SMYD3: variants seen among roughly 807,000 people sequenced by gnomAD.
The protein encoded by SMYD3 is histone-lysine N-methyltransferase SMYD3.
In SMYD3, 36 loss-of-function variants were observed where a neutral mutation model predicts 57.7. The ratio of observed to expected loss-of-function variants is 0.62; its 90% CI spans 0.48 to 0.82. SMYD3 has a LOEUF of 0.82. Among genes scored for constraint, SMYD3 ranks in the 40% least tolerant of loss-of-function variants. The pLI is 0.00. For missense variants in SMYD3, 515 were observed against 538.8 expected, an observed-to-expected ratio of 0.96 and a Z score of 0.44; for synonymous variants, 211 against 195.0, an observed-to-expected ratio of 1.08 and a Z score of -0.68.
At chr1:245,816,698 G>A (rs979748350) in intron 10 of SMYD3, among the ~76,000 whole-genome samples, 1 of 152,104 alleles carries the variant, frequency 6.6e-6, no homozygotes, top group Non-Finnish European at 1.5e-5. Context: ...CGCGCACCGT[G>A]CGCGAGCCGA....
intron 8 of SMYD3, among the ~76,000 whole-genome samples, chr1:245,876,884 G>A (rs750183336): frequency 6.6e-6 from 1 of 152,152 alleles, no homozygotes; most frequent in Non-Finnish European, 1.5e-5. Context: ...CCAGGATTTA[G>A]GGAAAATGTC....
At chr1:245,793,035 GCACA>G (rs2047343986) in intron 10 of SMYD3, among the ~76,000 whole-genome samples, 5 of 151,616 alleles carry the variant, frequency 3.3e-5, no homozygotes, top group Admixed American at 1.3e-4. Context: ...TATAGGCCAG[GCACA>G]GTGGCTCATG....
intron 7 of SMYD3, among the ~76,000 whole-genome samples, chr1:245,920,571 A>G (rs2055845818): frequency 6.6e-6 from 1 of 152,130 alleles, no homozygotes; most frequent in Non-Finnish European, 1.5e-5. Context: ...CCCTATCACA[A>G]GCCACCACCT....
intron 1 of SMYD3, among the ~76,000 whole-genome samples, chr1:246,431,790 T>C (rs563824735): frequency 6.6e-6 from 1 of 152,248 alleles, no homozygotes; most frequent in East Asian, 1.9e-4. Context: ...TACAAATTAC[T>C]CTCCATTTCT....
At chr1:245,793,300 CA>C (rs35711386) in intron 10 of SMYD3, among the ~76,000 whole-genome samples, 71 of 137,650 alleles carry the variant, frequency 5.2e-4, no homozygotes, top group Admixed American at 1.6e-3. Context: ...GACTCCGTCC[CA>C]AAAAAAAAAA....
intron 5 of SMYD3, among the ~76,000 whole-genome samples, chr1:246,324,903 G>A (rs2065313628): frequency 6.7e-6 from 1 of 150,186 alleles, no homozygotes; most frequent in East Asian, 2.0e-4. Flanking sequence ...AACATTCTGG[G>A]CTCAGTGACT....
intron 5 of SMYD3, among the ~76,000 whole-genome samples, chr1:246,311,344 A>T (rs538842854): frequency 6.6e-6 from 1 of 152,272 alleles, no homozygotes; most frequent in South Asian, 2.1e-4. Flanking sequence ...TTTTCAGCAC[A>T]AAAAAAATCT....
At chr1:245,799,050 T>C (rs2047726292) in intron 10 of SMYD3, among the ~76,000 whole-genome samples, 1 of 152,170 alleles carries the variant, frequency 6.6e-6, no homozygotes, top group East Asian at 1.9e-4. Context: ...CAGAACAAGC[T>C]CTAGCCCTCT....
At chr1:246,412,387 C>A (rs1410316530) in intron 1 of SMYD3, among the ~76,000 whole-genome samples, 1 of 152,160 alleles carries the variant, frequency 6.6e-6, no homozygotes, top group Non-Finnish European at 1.5e-5. Context: ...AGAAAGAAAA[C>A]CTTAACATTC....
chr1:245,891,831 C>A (rs2053402593), intron 8 of SMYD3, among the ~76,000 whole-genome samples: 1 of 152,140 alleles, frequency 6.6e-6, no homozygotes, highest in South Asian at 2.1e-4. Flanking sequence ...CTGCTTGATC[C>A]CAGAAGCTGA....
At chr1:246,506,913 C>G in intron 1 of SMYD3, 141 bp downstream of exon 1, 1 of 760,298 alleles carries the variant, frequency 1.3e-6, no homozygotes. Context: ...CGGGCACACG[C>G]GCGTCAGGGG....
intron 2 of SMYD3, among the ~76,000 whole-genome samples, chr1:246,337,068 T>C (rs2148674715): frequency 6.6e-6 from 1 of 152,298 alleles, no homozygotes; most frequent in East Asian, 1.9e-4. Context: ...CTAATATCAG[T>C]ACTCACTGAA....
chr1:245,877,239 A>G (rs1307280168), intron 8 of SMYD3, among the ~76,000 whole-genome samples: 4 of 152,190 alleles, frequency 2.6e-5, no homozygotes, highest in Admixed American at 2.6e-4. Flanking sequence ...TCTTTTCCCC[A>G]CTAAGCTGAA....
rs376262358 is a variant in SMYD3 at position 246,472,166 on chromosome 1, C to T, written c.164+34888G>A. Among the ~76,000 whole-genome samples, 8 of 152,228 alleles carry T rather than the reference C, an allele frequency of 5.3e-5. No homozygotes were observed. In the East Asian group the frequency reaches 1.5e-3, roughly 29 times the overall value. On this transcript the variant is annotated intron_variant, in intron 1 of 11. Transcript: ENST00000490107. ...AAGGGGCCTCAGAAAAACACACACA[C>T]CACACTCCTACAAATCCACCCGCCT...
At chr1:246,342,956 T>C (rs544574901) in intron 2 of SMYD3, among the ~76,000 whole-genome samples, 11 of 152,334 alleles carry the variant, frequency 7.2e-5, no homozygotes, top group African/African-American at 2.6e-4. Context: ...TTTACATTTA[T>C]GTAAAATTCA....
chr1:245,888,859 A>C (rs1394410688), intron 8 of SMYD3, among the ~76,000 whole-genome samples: 4 of 152,184 alleles, frequency 2.6e-5, no homozygotes, highest in African/African-American at 9.7e-5. Flanking sequence ...GCCCAACAGC[A>C]ACTTCTCAGA....
intron 8 of SMYD3, among the ~76,000 whole-genome samples, chr1:245,877,908 CT>C: frequency 6.6e-6 from 1 of 152,258 alleles, no homozygotes; most frequent in South Asian, 2.1e-4. Flanking sequence ...CAGGTGGAAT[CT>C]GAAGATATGC....
intron 5 of SMYD3, among the ~76,000 whole-genome samples, chr1:246,306,467 A>AC (rs1289213505): frequency 6.6e-6 from 1 of 152,212 alleles, no homozygotes. Flanking sequence ...GAATAAAACT[A>AC]TATTTTATAC....
chr1:245,945,629 G>A (rs2057405132), intron 5 of SMYD3, among the ~76,000 whole-genome samples: 1 of 152,110 alleles, frequency 6.6e-6, no homozygotes, highest in African/African-American at 2.4e-5. Flanking sequence ...TATACCCAAA[G>A]AAATATAAGT....
Sources: gnomAD v4.1 joint callset for allele counts (sites outside exome capture counted in the v4.1 genomes callset) on GRCh38, gnomAD v4.1.1 for gene constraint, MANE v1.5 for transcripts, NCBI Gene and HGNC (gene_info 2026-07-23, HGNC 2026-07-21) for gene names.